FKBP5: variants seen among roughly 807,000 people sequenced by gnomAD.
FKBP5 encodes FKBP prolyl isomerase 5.
FKBP5 carries 23 observed loss-of-function variants against 50.5 expected under a neutral mutation model. That is an observed-to-expected ratio of 0.46 (90% CI 0.33 to 0.65). The LOEUF is 0.65. Ranked by LOEUF, FKBP5 falls within the 30% of genes least tolerant of loss-of-function variation. FKBP5 has a pLI of 0.02. For synonymous variants in FKBP5, 176 were observed against 190.6 expected (o/e 0.92, Z 0.63); for missense variants, 411 against 553.1 (o/e 0.74, Z 2.58).
intron 8 of FKBP5, chr6:35,583,965 T>C: frequency 1.0e-6 from 1 of 985,358 alleles, no homozygotes; most frequent in Non-Finnish European, 1.2e-6. Flanking sequence ...ACTAGTTTGT[T>C]TTAGAAATGC....
At position 35,616,818 on chromosome 6, in the gene FKBP5, C is replaced by T. The variant is rs1210001849; in HGVS notation, c.508+2278G>A. Among the ~76,000 whole-genome samples, 3 of 152,062 alleles carry T rather than the reference C, an allele frequency of 2.0e-5. No homozygotes were observed. In the East Asian group the frequency reaches 5.8e-4, roughly 29 times the overall value. Reference sequence around the variant, plus strand: ...ATAGGAGTAAACCTCTACCTTTGTACATACATTTGAAATTTTTCATAAGAA... The same window carrying T: ...ATAGGAGTAAACCTCTACCTTTGTATATACATTTGAAATTTTTCATAAGAA... On this transcript the variant is annotated intron_variant, in intron 5 of 10. Transcript: ENST00000357266.
At chr6:35,590,655 G>T (rs1211757902) in intron 7 of FKBP5, among the ~76,000 whole-genome samples, 1 of 152,046 alleles carries the variant, frequency 6.6e-6, no homozygotes, top group Non-Finnish European at 1.5e-5. Flanking sequence ...AGAGCCTAGT[G>T]GCCCTCGAGG....
At chr6:35,681,526 C>T (rs1765661092) in intron 1 of FKBP5, among the ~76,000 whole-genome samples, 2 of 152,168 alleles carry the variant, frequency 1.3e-5, no homozygotes, top group Admixed American at 1.3e-4. Context: ...ATCATAAACA[C>T]TTATACATAC....
chr6:35,585,024 T>A (rs1762557936), intron 8 of FKBP5: 1 of 985,296 alleles, frequency 1.0e-6, no homozygotes, highest in South Asian at 4.7e-5. Context: ...CTTCATAACA[T>A]TATTTCATTA....
In FKBP5 at chr6:35,718,940, C is replaced by T. The variant is rs974615108; in HGVS notation, c.-20+1388G>A. ...AGAGAACCTTTCCTTGCAGCCTTGG[C>T]CTTGCTGAAACTGTGCAGTGGGGAG... On this transcript the variant is annotated intron_variant, in intron 2 of 11. Transcript: ENST00000536438. Among the ~76,000 whole-genome samples the T allele has an allele frequency of 2.0e-5, 3 of 152,326 alleles. No individual in the cohort carries two copies. In the South Asian group the frequency reaches 6.2e-4, roughly 32 times the overall value.
chr6:35,625,382 AC>A (rs1561863975), intron 3 of FKBP5, among the ~76,000 whole-genome samples: 1 of 151,624 alleles, frequency 6.6e-6, no homozygotes, highest in South Asian at 2.1e-4. Context: ...ACCATGCCCA[AC>A]CCCCAAAGCA....
intron 2 of FKBP5, among the ~76,000 whole-genome samples, chr6:35,639,373 AATG>A (rs1764412686): frequency 1.3e-5 from 2 of 152,318 alleles, no homozygotes; most frequent in South Asian, 4.1e-4. Context: ...GGCTCTAGAC[AATG>A]ATAAATGATA....
rs1372866325 is a variant in FKBP5, at chr6:35,574,890, T to C, written c.*945A>G. 2.6e-5 allele frequency: 4 copies of C among 152,434 alleles called. No homozygotes were observed. The highest frequency in any genetic ancestry group is 7.2e-5 in the African/African-American group (3 of 41,422). 9.4% of individuals were successfully genotyped at this position (152,434 alleles called of 1,614,324 possible). ...ATAGATCCACTCCAGGTCAAAAATA[T>C]TGTAAGCACAAGTCTTAAATTCTTA... On this transcript the variant is annotated 3_prime_UTR_variant, in exon 11 of 11. Coordinates refer to ENST00000357266, the MANE Select transcript of FKBP5 (RefSeq NM_004117.4).
At chr6:35,634,999 G>A (rs1263457663) in intron 3 of FKBP5, among the ~76,000 whole-genome samples, 1 of 142,124 alleles carries the variant, frequency 7.0e-6, no homozygotes, top group Non-Finnish European at 1.5e-5. Context: ...AGACTAGCCT[G>A]GGCAACATGG....
chr6:35,580,192 C>T lies in FKBP5; in HGVS notation c.870G>A (p.Gln290=). The T allele has an allele frequency of 6.2e-7, 1 of 1,613,962 alleles. No individual in the cohort carries two copies. The highest frequency in any genetic ancestry group is 8.5e-7 in the Non-Finnish European group (1 of 1,179,846). ...CTAACCAGGACACTATCTTCCCATA[C>T]TGAATCACCGCCTGCATGTATTTGC... ...KGGKYMQAVI[Q]YGKIVSWLEM... The change falls in exon 9 of 11, where the codon CAG becomes CAA. Residue 290 remains glutamine, a synonymous_variant. Transcript: ENST00000357266.
chr6:35,633,650 C>G (rs1764228714), intron 3 of FKBP5, among the ~76,000 whole-genome samples: 1 of 151,898 alleles, frequency 6.6e-6, no homozygotes, highest in South Asian at 2.1e-4. Context: ...AGATGTTTTA[C>G]CAGAGGTATA....
chr6:35,641,727 G>A (rs556120780), intron 2 of FKBP5, among the ~76,000 whole-genome samples: 210 of 152,186 alleles, frequency 1.4e-3, no homozygotes, highest in African/African-American at 4.5e-3. Flanking sequence ...CCTTTGGGCC[G>A]GGCACGGTGG....
At chr6:35,606,082 A>G (rs1763304708) in intron 5 of FKBP5, among the ~76,000 whole-genome samples, 1 of 152,254 alleles carries the variant, frequency 6.6e-6, no homozygotes, top group Non-Finnish European at 1.5e-5. Flanking sequence ...CTAATTAAAG[A>G]GCTTCAGCAC....
upstream of FKBP5, among the ~76,000 whole-genome samples, chr6:35,692,443 G>C (rs570148975): frequency 4.6e-5 from 7 of 152,154 alleles, no homozygotes; most frequent in Admixed American, 1.3e-4. Context: ...AACTACTACC[G>C]AGCTACCTTC....
At chr6:35,690,540 G>A (rs1406970845), upstream of FKBP5, among the ~76,000 whole-genome samples, 1 of 151,948 alleles carries the variant, frequency 6.6e-6, no homozygotes, top group Non-Finnish European at 1.5e-5. Context: ...CGAGGGCAGG[G>A]GTTCTGTCTC....
At chr6:35,641,841 C>A (rs1764500398) in intron 2 of FKBP5, among the ~76,000 whole-genome samples, 1 of 151,560 alleles carries the variant, frequency 6.6e-6, no homozygotes, top group Non-Finnish European at 1.5e-5. Context: ...CCTGTCTCTA[C>A]AAAAATTAGC....
intron 1 of FKBP5, among the ~76,000 whole-genome samples, chr6:35,672,334 A>T (rs1438602901): frequency 6.6e-6 from 1 of 152,268 alleles, no homozygotes; most frequent in Admixed American, 6.5e-5. Flanking sequence ...AATATAAATA[A>T]TCTGATACAA....
At chr6:35,668,209 G>C (rs900798269) in intron 1 of FKBP5, among the ~76,000 whole-genome samples, 3 of 152,258 alleles carry the variant, frequency 2.0e-5, no homozygotes, top group Non-Finnish European at 2.9e-5. Context: ...AGCCCTTTAC[G>C]GTCTGGCCTT....
intron 3 of FKBP5, among the ~76,000 whole-genome samples, chr6:35,629,381 C>T (rs2150983002): frequency 6.6e-6 from 1 of 152,304 alleles, no homozygotes; most frequent in Middle Eastern, 3.4e-3. Context: ...GCTGAGATTA[C>T]AGTAATTTAT....
Sources: allele counts gnomAD v4.1 joint callset (sites outside exome capture counted in the v4.1 genomes callset), GRCh38; gene constraint gnomAD v4.1.1; transcripts MANE v1.5; gene names NCBI Gene and HGNC (gene_info 2026-07-23, HGNC 2026-07-21).